The following GPHN variants were observed in gnomAD, a reference collection of about 807,000 sequenced individuals.
GPHN encodes gephyrin.
In GPHN, 17 loss-of-function variants were observed where a neutral mutation model predicts 95.5. That is an observed-to-expected ratio of 0.18 (90% CI 0.12 to 0.27). GPHN has a LOEUF of 0.27. Among genes scored for constraint, GPHN ranks in the 10% least tolerant of loss-of-function variants. The probability of loss-of-function intolerance (pLI) is 1.00; values close to 1 mark genes in which losing one functional copy is unlikely to be tolerated. For missense variants in GPHN, 660 were observed against 978.1 expected, an observed-to-expected ratio of 0.67 and a Z score of 4.34; for synonymous variants, 320 against 322.5, an observed-to-expected ratio of 0.99 and a Z score of 0.08.
intron 1 of GPHN, among the ~76,000 whole-genome samples, chr14:66,531,823 C>T (rs1329085586): frequency 6.6e-6 from 1 of 151,956 alleles, no homozygotes; most frequent in African/African-American, 2.4e-5. Context: ...ATATTGAAAC[C>T]CTTGCCAAGT....
At chr14:67,631,985 C>T in the GPHN span, among the ~76,000 whole-genome samples, 1 of 152,180 alleles carries the variant, frequency 6.6e-6, no homozygotes, top group African/African-American at 2.4e-5. Flanking sequence ...AGTGATTCTT[C>T]CACCTCAGTG....
chr14:66,907,261 C>T (rs1019406450), intron 5 of GPHN, among the ~76,000 whole-genome samples: 1 of 152,064 alleles, frequency 6.6e-6, no homozygotes, highest in Non-Finnish European at 1.5e-5. Context: ...AGGAAATGAG[C>T]CATCAAGCAA....
chr14:67,134,464 T>C (rs2079915350), intron 17 of GPHN, among the ~76,000 whole-genome samples: 1 of 152,210 alleles, frequency 6.6e-6, no homozygotes, highest in Admixed American at 6.5e-5. Context: ...TTTTCTTTCA[T>C]CCCAGACAAT....
chr14:67,641,588 A>G, the GPHN span, among the ~76,000 whole-genome samples: 1 of 152,232 alleles, frequency 6.6e-6, no homozygotes, highest in Non-Finnish European at 1.5e-5. Flanking sequence ...AATAATCAAT[A>G]AATATTAGAT....
At chr14:67,229,297 C>T in the GPHN span, among the ~76,000 whole-genome samples, 1 of 152,284 alleles carries the variant, frequency 6.6e-6, no homozygotes, top group East Asian at 1.9e-4. Context: ...TCAAATTTCA[C>T]ACAAATAGTA....
At chr14:67,209,308 G>A in the GPHN span, among the ~76,000 whole-genome samples, 2 of 151,756 alleles carry the variant, frequency 1.3e-5, no homozygotes, top group African/African-American at 4.9e-5. Context: ...AAAATAAAAA[G>A]AGAGAGAGAG....
chr14:66,540,658 A>G (rs187951745), intron 1 of GPHN, among the ~76,000 whole-genome samples: 161 of 152,344 alleles, frequency 1.1e-3, no homozygotes, highest in Non-Finnish European at 2.0e-3. Flanking sequence ...TTTTTTAGCC[A>G]TATACTCAGA....
intron 2 of GPHN, among the ~76,000 whole-genome samples, chr14:66,704,437 C>A: frequency 6.6e-6 from 1 of 151,846 alleles, no homozygotes; most frequent in Non-Finnish European, 1.5e-5. Flanking sequence ...TCAGCAAATG[C>A]AAAAGAACTG....
chr14:66,553,812 T>C (rs1785236836), intron 1 of GPHN, among the ~76,000 whole-genome samples: 1 of 152,124 alleles, frequency 6.6e-6, no homozygotes, highest in African/African-American at 2.4e-5. Flanking sequence ...CTTGACCTCA[T>C]GATCCTCCTG....
chr14:67,412,135 G>T, the GPHN span: 4 of 1,278,400 alleles, frequency 3.1e-6, no homozygotes, highest in Admixed American at 7.6e-5. Flanking sequence ...CGCGCAGCCC[G>T]CGCAGTCCGC....
chr14:67,445,916 G>C, the GPHN span, among the ~76,000 whole-genome samples: 2 of 152,138 alleles, frequency 1.3e-5, no homozygotes, highest in Non-Finnish European at 2.9e-5. Flanking sequence ...AGCAGCTCAT[G>C]TACTTCACAG....
At chr14:67,645,936 T>C in the GPHN span, 1 of 1,030,962 alleles carries the variant, frequency 9.7e-7, no homozygotes. Flanking sequence ...ATCACTATTA[T>C]GGACCAGGCA....
At chr14:67,387,072 G>A in the GPHN span, 2 of 309,444 alleles carry the variant, frequency 6.5e-6, no homozygotes, top group African/African-American at 2.2e-5. Context: ...CGAGGAAATG[G>A]CTGTTTGTGA....
the GPHN span, among the ~76,000 whole-genome samples, chr14:67,188,743 T>C: frequency 6.6e-6 from 1 of 152,168 alleles, no homozygotes; most frequent in Non-Finnish European, 1.5e-5. Flanking sequence ...TCATTAAATA[T>C]TCATGCTATA....
At chr14:66,805,479 CCA>C (rs2153479300) in intron 3 of GPHN, among the ~76,000 whole-genome samples, 1 of 152,298 alleles carries the variant, frequency 6.6e-6, no homozygotes, top group Admixed American at 6.5e-5. Flanking sequence ...GCTCAGAAAT[CCA>C]CAGTCCAAAG....
In GPHN at chr14:66,898,032, G is replaced by A. The variant is rs144906130; in HGVS notation, c.390-17971G>A. The stretch of plus-strand genomic sequence containing the variant: ...TTTTGAGCATCTGTTCAGGTGTTTT[G>A]CCTATTGTCTGACTGTGTTTTTTAG... On this transcript the variant is annotated intron_variant, in intron 5 of 22. Coordinates refer to ENST00000478722, the MANE Select transcript of GPHN (RefSeq NM_020806.5). Among the ~76,000 whole-genome samples, 4 of 152,018 alleles carry A rather than the reference G, an allele frequency of 2.6e-5. No individual in the cohort carries two copies. The East Asian group carries it at 7.7e-4, about 29-fold the overall frequency.
chr14:67,651,038 A>G, the GPHN span: 1 of 1,129,564 alleles, frequency 8.9e-7, no homozygotes, highest in Non-Finnish European at 1.3e-6. Flanking sequence ...GAACATTTAC[A>G]CATTCTCACA....
intron 1 of GPHN, among the ~76,000 whole-genome samples, chr14:66,668,811 C>T (rs1446472427): frequency 1.3e-5 from 2 of 151,894 alleles, no homozygotes; most frequent in Non-Finnish European, 2.9e-5. Flanking sequence ...GTGCTTCCTT[C>T]TAGCCTTTCT....
At chr14:67,122,622 T>A (rs542473332) in intron 17 of GPHN, among the ~76,000 whole-genome samples, 89 of 152,220 alleles carry the variant, frequency 5.8e-4, no homozygotes, top group Non-Finnish European at 1.0e-3. Context: ...TCAAAGGATG[T>A]TTTTGTAATA....
Sources: allele counts gnomAD v4.1 joint callset (sites outside exome capture counted in the v4.1 genomes callset), GRCh38; gene constraint gnomAD v4.1.1; transcripts MANE v1.5; gene names NCBI Gene and HGNC (gene_info 2026-07-23, HGNC 2026-07-21).